The following SMARCC1 variants were observed in gnomAD, a reference collection of about 807,000 sequenced individuals.
The protein encoded by SMARCC1 is SWI/SNF complex subunit SMARCC1.
Under a neutral mutation model 147.4 loss-of-function variants are expected in SMARCC1, and 43 were observed. The observed-to-expected ratio is 0.29, with a 90% CI of 0.23 to 0.38. The LOEUF (loss-of-function observed/expected upper bound fraction) is 0.38. Ranked by LOEUF, SMARCC1 falls within the 10% of genes least tolerant of loss-of-function variation. SMARCC1 has a pLI of 1.00. For synonymous variants in SMARCC1, 495 were observed against 484.4 expected, an observed-to-expected ratio of 1.02 and a Z score of -0.29; for missense variants, 1,119 against 1,381.1, an observed-to-expected ratio of 0.81 and a Z score of 3.01.
At chr3:47,731,487 G>T (rs752104999) in intron 5 of SMARCC1, among the ~76,000 whole-genome samples, 8 of 152,120 alleles carry the variant, frequency 5.3e-5, no homozygotes, top group Non-Finnish European at 8.8e-5. Context: ...CTAGAATGAT[G>T]AATCTGTTCC....
Position 47,648,289 on chromosome 3 carries a change from C to A in SMARCC1, c.2321-9509G>T, listed in dbSNP as rs185112899. 1.6e-3 allele frequency among the ~76,000 whole-genome samples: 247 copies of A among 152,284 alleles called. 2 individuals are homozygous for A. Among genetic ancestry groups the A allele is most frequent in the African/African-American group, 5.8e-3 (240 of 41,536 alleles). On this transcript the variant is annotated intron_variant, in intron 21 of 27. Coordinates refer to ENST00000254480, the MANE Select transcript of SMARCC1 (RefSeq NM_003074.4). The stretch of plus-strand genomic sequence containing the variant: ...GAATTACAGGCATGAGCCACCGCAC[C>A]CGGCCTTATAAACCTCTTTTTCTAT...
rs745895316 is a variant in SMARCC1 at position 47,635,355 on chromosome 3, C to G, written c.2492-11G>C. 6 of 1,609,314 alleles carry G rather than the reference C, an allele frequency of 3.7e-6. No individual in the cohort carries two copies. The African/African-American group carries it at 4.0e-5, about 11-fold the overall frequency. On this transcript the variant is annotated splice_polypyrimidine_tract_variant and intron_variant, in intron 23 of 27. Coordinates refer to ENST00000254480, the MANE Select transcript of SMARCC1 (RefSeq NM_003074.4). ...CAGTCTCCTTTTCTTCTGAAAATAT[C>G]AGAAAGCTTTGTTACTAGCGTGCCC...
intron 6 of SMARCC1, among the ~76,000 whole-genome samples, chr3:47,721,353 T>C (rs1202111300): frequency 3.3e-5 from 5 of 152,192 alleles, no homozygotes; most frequent in Non-Finnish European, 5.9e-5. Context: ...AGACTTTTTT[T>C]CAAAAATTTT....
At chr3:47,659,410 C>T (rs1225829050) in intron 21 of SMARCC1, among the ~76,000 whole-genome samples, 1 of 150,824 alleles carries the variant, frequency 6.6e-6, no homozygotes, top group Admixed American at 6.6e-5. Context: ...AATACAGATG[C>T]AAAAATCTTC....
intron 26 of SMARCC1, among the ~76,000 whole-genome samples, chr3:47,594,436 A>G (rs755489059): frequency 2.0e-5 from 3 of 152,204 alleles, no homozygotes; most frequent in Non-Finnish European, 4.4e-5. Context: ...CCAACTGACC[A>G]TCATTAATTT....
intron 22 of SMARCC1, among the ~76,000 whole-genome samples, chr3:47,636,786 ATATGTG>A (rs568916302): frequency 0.13 from 17,702 of 140,838 alleles, 1,260 homozygotes; most frequent in African/African-American, 0.13. Context: ...CAAAATATAT[ATATGTG>A]TGTGTGTGTG....
intron 16 of SMARCC1, among the ~76,000 whole-genome samples, chr3:47,677,041 C>T (rs567416481): frequency 1.3e-3 from 193 of 152,116 alleles, no homozygotes; most frequent in Non-Finnish European, 2.3e-3. Flanking sequence ...AGCACGAATA[C>T]GCATTTAGGT....
Position 47,781,624 on chromosome 3 carries a change from C to A in SMARCC1, c.174G>T (p.Trp58Cys). The change falls in exon 1 of 28, where the codon TGG becomes TGT. Residue 58 changes from tryptophan to cysteine, a missense_variant. Around this residue, in one of 6 missense-constraint regions of SMARCC1, gnomAD observed 542 missense variants for 611.8 expected, o/e 0.89. Transcript: ENST00000254480. ...TVSQLDSVRV[W>C]LGKHYKKYVH... ...CCACCTTCTTGTAGTGCTTGCCCAG[C>A]CAGACCCGCACCGAATCCAGCTGGG... The A allele has an allele frequency of 6.4e-7, 1 of 1,553,556 alleles. No homozygotes were observed. Among genetic ancestry groups the A allele is most frequent in the Non-Finnish European group, 8.7e-7 (1 of 1,154,184 alleles).
At chr3:47,780,932 T>C (rs1472555830) in intron 1 of SMARCC1, among the ~76,000 whole-genome samples, 1 of 151,560 alleles carries the variant, frequency 6.6e-6, no homozygotes, top group African/African-American at 2.4e-5. Flanking sequence ...AATCAGTAAA[T>C]GAATAATTTC....
chr3:47,684,141 G>A (rs1188040479), intron 14 of SMARCC1, among the ~76,000 whole-genome samples: 2 of 150,968 alleles, frequency 1.3e-5, no homozygotes, highest in Non-Finnish European at 3.0e-5. Flanking sequence ...TTGGGAGGCT[G>A]AGGCAGGAGA....
At chr3:47,764,990 G>A (rs772684095) in intron 2 of SMARCC1, among the ~76,000 whole-genome samples, 4 of 152,146 alleles carry the variant, frequency 2.6e-5, no homozygotes, top group East Asian at 1.9e-4. Context: ...GGTGGCTCAC[G>A]CCTGTAATCC....
chr3:47,602,508 G>T (rs964827482), intron 26 of SMARCC1, among the ~76,000 whole-genome samples: 1 of 152,066 alleles, frequency 6.6e-6, no homozygotes, highest in African/African-American at 2.4e-5. Context: ...ATGTTGCCCA[G>T]GTTGGTCTCG....
At chr3:47,680,206 A>T (rs542891166) in intron 15 of SMARCC1, 9 of 421,428 alleles carry the variant, frequency 2.1e-5, no homozygotes, top group African/African-American at 1.9e-4. Flanking sequence ...TGGGCAACAG[A>T]GTGAGACCCT....
chr3:47,696,059 G>A (rs2033846991), intron 11 of SMARCC1, among the ~76,000 whole-genome samples: 1 of 102,572 alleles, frequency 9.7e-6, no homozygotes, highest in African/African-American at 3.9e-5. Context: ...TGAGCAAGAC[G>A]CTGTCTCAAA....
chr3:47,647,234 T>C (rs1273911828), intron 21 of SMARCC1, among the ~76,000 whole-genome samples: 1 of 152,200 alleles, frequency 6.6e-6, no homozygotes, highest in Non-Finnish European at 1.5e-5. Flanking sequence ...GTTTCAGCTT[T>C]ACAATGGTGC....
chr3:47,689,120 G>C (rs2106772537), intron 13 of SMARCC1, among the ~76,000 whole-genome samples: 1 of 152,104 alleles, frequency 6.6e-6, no homozygotes, highest in East Asian at 1.9e-4. Flanking sequence ...GAGGTGGGAG[G>C]GGGATCACCT....
chr3:47,638,267 G>A (rs1297646815), intron 22 of SMARCC1, among the ~76,000 whole-genome samples: 4 of 152,038 alleles, frequency 2.6e-5, no homozygotes, highest in Non-Finnish European at 5.9e-5. Context: ...TAATTTTTTT[G>A]TATTTTTAGT....
intron 26 of SMARCC1, among the ~76,000 whole-genome samples, chr3:47,599,146 G>T (rs568108739): frequency 6.6e-6 from 1 of 152,148 alleles, no homozygotes; most frequent in Non-Finnish European, 1.5e-5. Context: ...CAGCACTTTG[G>T]GGGGCTGAGG....
rs763035376 is a variant in SMARCC1, at chr3:47,585,683, T to A, written c.*2526A>T. 33 of 152,198 alleles carry A rather than the reference T, an allele frequency of 2.2e-4. No individual in the cohort carries two copies. Among genetic ancestry groups the A allele is most frequent in the Non-Finnish European group, 4.9e-4 (33 of 68,034 alleles). The allele number at this position is 152,198 out of a possible 1,614,324, so 9.4% of individuals were successfully genotyped here. A position where few individuals can be genotyped will look rare whatever the true frequency, so the allele number is the denominator to read the frequency against. On this transcript the variant is annotated 3_prime_UTR_variant, in exon 28 of 28. Transcript: ENST00000254480. ...ATCATTTTTGGAGAACTTCCACTCA[T>A]TTTCACTTTGACCATGCAAATGAAC...
Sources: allele counts gnomAD v4.1 joint callset (sites outside exome capture counted in the v4.1 genomes callset), GRCh38; gene constraint gnomAD v4.1.1; regional missense constraint gnomAD v4.1.1; transcripts MANE v1.5; gene names NCBI Gene and HGNC (gene_info 2026-07-23, HGNC 2026-07-21).